ALKBH5: variants seen among roughly 807,000 people sequenced by gnomAD.
ALKBH5 encodes the protein alkB homolog 5, RNA demethylase.
ALKBH5 carries 2 observed loss-of-function variants against 32.1 expected under a neutral mutation model. That is an observed-to-expected ratio of 0.06 (90% CI 0.03 to 0.20). The LOEUF (loss-of-function observed/expected upper bound fraction) is 0.20, where lower values mean the gene tolerates loss of function less well. Ranked by LOEUF, ALKBH5 falls within the 10% of genes least tolerant of loss-of-function variation. The pLI is 1.00. For missense variants in ALKBH5, 352 were observed against 559.5 expected (o/e 0.63, Z 3.74); for synonymous variants, 300 against 231.7 (o/e 1.29, Z -2.68).
Position 18,208,790 on chromosome 17 carries a change from T to A in ALKBH5, c.*394T>A, listed in dbSNP as rs555595468. 3.0e-6 allele frequency: 1 copy of A among 331,190 alleles called. No homozygotes were observed. The highest frequency in any genetic ancestry group is 8.3e-5 in the East Asian group (1 of 12,072). The allele number at this position is 331,190 out of a possible 1,614,324, so 20.5% of individuals were successfully genotyped here. A position where few individuals can be genotyped will look rare whatever the true frequency, so the allele number is the denominator to read the frequency against. On this transcript the variant is annotated 3_prime_UTR_variant, in exon 4 of 4. Transcript: ENST00000399138. ...GCTTTCAGTGTAAATCTTCGCAGTGTTCTAAACAAAGTTCAGTCTTCTGCT... is the reference window on the plus strand; with the variant it reads ...GCTTTCAGTGTAAATCTTCGCAGTGATCTAAACAAAGTTCAGTCTTCTGCT...
rs1354652083 is a variant in ALKBH5 at position 18,208,669 on chromosome 17, G to T, written c.*273G>T. 1.8e-6 allele frequency: 1 copy of T among 564,884 alleles called. No individual in the cohort carries two copies. Among genetic ancestry groups the T allele is most frequent in the Non-Finnish European group, 3.2e-6 (1 of 312,596 alleles). 35.0% of individuals were successfully genotyped at this position (564,884 alleles called of 1,614,324 possible). ...GAGGCTGATGCTGGAGTGGCCAGTAGAGGTGGTGGAGCAGAGCAGCCATCT... is the reference window on the plus strand; with the variant it reads ...GAGGCTGATGCTGGAGTGGCCAGTATAGGTGGTGGAGCAGAGCAGCCATCT... On this transcript the variant is annotated 3_prime_UTR_variant, in exon 4 of 4. Transcript: ENST00000399138.
At position 18,201,794 on chromosome 17, in the gene ALKBH5, A is replaced by AT. The variant is rs1491101824; in HGVS notation, c.852-5021_852-5020insT. ...AGATAGATAGATAGATAGGATAGATAAGATAGATAGATAGATAGATAGATA... is the reference window on the plus strand; with the variant it reads ...AGATAGATAGATAGATAGGATAGATATAGATAGATAGATAGATAGATAGATA... On this transcript the variant is annotated intron_variant, in intron 2 of 3. Coordinates refer to ENST00000399138, the MANE Select transcript of ALKBH5 (RefSeq NM_017758.4). 2.3e-3 allele frequency among the ~76,000 whole-genome samples: 303 copies of AT among 134,512 alleles called. 2 individuals are homozygous for AT. The highest frequency in any genetic ancestry group is 7.7e-3 in the African/African-American group (286 of 37,126). 88.2% of individuals were successfully genotyped at this position (134,512 alleles called of 152,430 possible).
At chr17:18,201,828 GATAGA>G (rs2047241833) in intron 2 of ALKBH5, among the ~76,000 whole-genome samples, 1 of 124,916 alleles carries the variant, frequency 8.0e-6, no homozygotes, top group Non-Finnish European at 1.8e-5. Context: ...TAGATAGATA[GATAGA>G]TAGATGATAG....
Position 18,184,102 on chromosome 17 carries a change from C to G in ALKBH5, c.-142C>G. ...ACCCCACGCCCGGACCCTCGACGCC[C>G]CCCGCCGGGTCCCCCACTCACGCAT... On this transcript the variant is annotated 5_prime_UTR_variant, in exon 1 of 4. Coordinates refer to ENST00000399138, the MANE Select transcript of ALKBH5 (RefSeq NM_017758.4). 4 of 782,506 alleles carry G rather than the reference C, an allele frequency of 5.1e-6. No individual in the cohort carries two copies. In the South Asian group the frequency reaches 6.2e-5, roughly 12 times the overall value. The allele number at this position is 782,506 out of a possible 1,614,324, so 48.5% of individuals were successfully genotyped here. A position where few individuals can be genotyped will look rare whatever the true frequency, so the allele number is the denominator to read the frequency against.
intron 1 of ALKBH5, among the ~76,000 whole-genome samples, chr17:18,185,624 C>T (rs2047134718): frequency 6.6e-6 from 1 of 152,176 alleles, no homozygotes; most frequent in Non-Finnish European, 1.5e-5. Flanking sequence ...CAGAAGAGCC[C>T]ATCAGTTCTT....
intron 2 of ALKBH5, among the ~76,000 whole-genome samples, chr17:18,205,361 T>C (rs1016129958): frequency 2.0e-5 from 3 of 152,186 alleles, no homozygotes; most frequent in Non-Finnish European, 4.4e-5. Flanking sequence ...AGTCTGAGAC[T>C]GAAGAGTCAC....
chr17:18,198,752 T>C (rs2047219062), intron 2 of ALKBH5, among the ~76,000 whole-genome samples: 1 of 152,226 alleles, frequency 6.6e-6, no homozygotes, highest in Non-Finnish European at 1.5e-5. Context: ...CCAAGTGCTT[T>C]CTGGTTGGAC....
At position 18,184,773 on chromosome 17, in the gene ALKBH5, T is replaced by G. The variant is rs1359133006; in HGVS notation, c.530T>G (p.Val177Gly). Reference protein sequence around the residue: ...WVHQLVIQKLVEHRVIPEGFV... With the variant: ...WVHQLVIQKLGEHRVIPEGFV... ...CACCAGCTGGTGATCCAAAAGCTGG[T>G]GGAGCACCGCGTCATCCCCGAGGGC... Residue 177 changes from valine (V) to glycine (G), a missense_variant, in exon 1 of 4, where the codon GTG becomes GGG. Physicochemically the swap from Val to Gly is moderately radical, Grantham distance 109. Transcript: ENST00000399138. 6.2e-7 allele frequency: 1 copy of G among 1,613,878 alleles called. No individual in the cohort carries two copies. Among genetic ancestry groups the G allele is most frequent in the Non-Finnish European group, 8.5e-7 (1 of 1,179,956 alleles).
At chr17:18,186,745 C>T (rs751822152) in intron 1 of ALKBH5, among the ~76,000 whole-genome samples, 1 of 152,158 alleles carries the variant, frequency 6.6e-6, no homozygotes, top group Non-Finnish European at 1.5e-5. Flanking sequence ...CCTGTCAACC[C>T]TTTCTGGATT....
chr17:18,204,094 A>G (rs985033474), intron 2 of ALKBH5, among the ~76,000 whole-genome samples: 1 of 152,164 alleles, frequency 6.6e-6, no homozygotes, highest in African/African-American at 2.4e-5. Flanking sequence ...AAAGGCTAAC[A>G]TTTTATTTAG....
At chr17:18,200,566 C>T (rs73980850) in intron 2 of ALKBH5, among the ~76,000 whole-genome samples, 1 of 152,174 alleles carries the variant, frequency 6.6e-6, no homozygotes, top group Non-Finnish European at 1.5e-5. Context: ...GTAACCTAAG[C>T]TGGTGTGTGC....
intron 1 of ALKBH5, among the ~76,000 whole-genome samples, chr17:18,188,169 A>T (rs192572955): frequency 7.9e-4 from 120 of 152,250 alleles, no homozygotes; most frequent in African/African-American, 2.7e-3. Context: ...ATATCACTTT[A>T]TCTGTCATTC....
intron 2 of ALKBH5, among the ~76,000 whole-genome samples, chr17:18,204,370 G>A (rs1377291750): frequency 2.0e-5 from 3 of 151,752 alleles, no homozygotes; most frequent in Admixed American, 6.6e-5. Flanking sequence ...AGAGTTGCTT[G>A]AACGCGGGAG....
intron 2 of ALKBH5, among the ~76,000 whole-genome samples, chr17:18,201,610 T>A (rs1159650321): frequency 6.6e-6 from 1 of 151,950 alleles, no homozygotes; most frequent in Non-Finnish European, 1.5e-5. Flanking sequence ...TACAAAAAAT[T>A]AGCCGGGCGT....
intron 2 of ALKBH5, among the ~76,000 whole-genome samples, chr17:18,201,121 T>C (rs2047234279): frequency 6.6e-6 from 1 of 152,062 alleles, no homozygotes; most frequent in Non-Finnish European, 1.5e-5. Flanking sequence ...TGGACCTCGT[T>C]CCTCAGCAGT....
At chr17:18,192,269 C>T (rs1197942723) in intron 1 of ALKBH5, among the ~76,000 whole-genome samples, 5 of 152,194 alleles carry the variant, frequency 3.3e-5, no homozygotes, top group Admixed American at 2.6e-4. Flanking sequence ...AGGCACCCTG[C>T]ATTATCTGAC....
Position 18,184,173 on chromosome 17 carries a change from C to T in ALKBH5, c.-71C>T. The T allele has an allele frequency of 7.5e-7, 1 of 1,341,350 alleles. No homozygotes were observed. Among genetic ancestry groups the T allele is most frequent in the Non-Finnish European group, 9.9e-7 (1 of 1,007,198 alleles). 83.1% of individuals were successfully genotyped at this position (1,341,350 alleles called of 1,614,324 possible). ...CCCCCTCCCTCCGGGGGCCCCGGGG[C>T]GCGTCCCCTTAGAGCCATGCCCGGC... On this transcript the variant is annotated 5_prime_UTR_variant, in exon 1 of 4. Transcript: ENST00000399138.
At chr17:18,206,709 TC>T in intron 2 of ALKBH5, 105 bp from the exon 3 acceptor site, 1 of 1,276,286 alleles carries the variant, frequency 7.8e-7, no homozygotes, top group South Asian at 1.4e-5. Flanking sequence ...ACTGCTGGCT[TC>T]CAGGTCTAGC....
chr17:18,200,604 G>T (rs1203593878), intron 2 of ALKBH5, among the ~76,000 whole-genome samples: 3 of 152,182 alleles, frequency 2.0e-5, no homozygotes, highest in Admixed American at 6.5e-5. Context: ...CCCGGAATGG[G>T]GTTTGTATGG....
Sources: allele counts gnomAD v4.1 joint callset (sites outside exome capture counted in the v4.1 genomes callset), GRCh38; gene constraint gnomAD v4.1.1; transcripts MANE v1.5; gene names NCBI Gene and HGNC (gene_info 2026-07-23, HGNC 2026-07-21).